The following PRKCB variants were observed in gnomAD, a reference collection of about 807,000 sequenced individuals.
The protein encoded by PRKCB is protein kinase C beta type.
In PRKCB, 13 loss-of-function variants were observed where a neutral mutation model predicts 81.5. The ratio of observed to expected loss-of-function variants is 0.16; its 90% CI spans 0.10 to 0.25. PRKCB has a LOEUF of 0.25. PRKCB is among the 10% of genes least tolerant of loss of function. The probability of loss-of-function intolerance (pLI) is 1.00; values close to 1 mark genes in which losing one functional copy is unlikely to be tolerated. For synonymous variants in PRKCB, 335 were observed against 321.4 expected, an observed-to-expected ratio of 1.04 and a Z score of -0.45; for missense variants, 509 against 875.7, an observed-to-expected ratio of 0.58 and a Z score of 5.29.
intron 5 of PRKCB, among the ~76,000 whole-genome samples, chr16:24,055,032 T>C (rs1034286670): frequency 3.3e-5 from 5 of 152,222 alleles, no homozygotes; most frequent in African/African-American, 1.2e-4. Context: ...CTTTAGCTCA[T>C]GACAATTTCT....
At chr16:24,114,732 G>A (rs966289884) in intron 8 of PRKCB, among the ~76,000 whole-genome samples, 2 of 152,114 alleles carry the variant, frequency 1.3e-5, no homozygotes, top group Admixed American at 6.5e-5. Context: ...TGAGTCTGGT[G>A]GGAGATGATC....
intron 3 of PRKCB, among the ~76,000 whole-genome samples, chr16:24,000,549 A>G (rs1965019125): frequency 6.6e-6 from 1 of 152,224 alleles, no homozygotes; most frequent in Non-Finnish European, 1.5e-5. Flanking sequence ...TACCAACCAC[A>G]TAGGTTTATA....
At chr16:23,934,718 G>T (rs942339126) in intron 2 of PRKCB, among the ~76,000 whole-genome samples, 1 of 152,162 alleles carries the variant, frequency 6.6e-6, no homozygotes, top group Non-Finnish European at 1.5e-5. Flanking sequence ...TACTGGGATG[G>T]TGGTGATGGG....
chr16:23,850,285 A>C (rs1962451038), intron 2 of PRKCB, among the ~76,000 whole-genome samples: 2 of 152,158 alleles, frequency 1.3e-5, no homozygotes, highest in South Asian at 4.1e-4. Context: ...CAAACATGGG[A>C]ATGCACATAT....
chr16:24,128,111 T>C (rs1433584066), intron 9 of PRKCB, among the ~76,000 whole-genome samples: 1 of 142,682 alleles, frequency 7.0e-6, no homozygotes, highest in African/African-American at 2.5e-5. Context: ...GTGCGGTGGT[T>C]TGCGCCTGTA....
At chr16:23,883,253 A>G (rs985074905) in intron 2 of PRKCB, among the ~76,000 whole-genome samples, 3 of 152,236 alleles carry the variant, frequency 2.0e-5, no homozygotes, top group African/African-American at 7.2e-5. Flanking sequence ...ACTTTAGATC[A>G]GAAAGGCCTT....
intron 2 of PRKCB, among the ~76,000 whole-genome samples, chr16:23,984,453 G>A (rs1316449666): frequency 6.6e-6 from 1 of 152,068 alleles, no homozygotes; most frequent in East Asian, 1.9e-4. Flanking sequence ...ACAAATACAA[G>A]TAAGCAATAC....
chr16:24,000,604 A>G (rs771186406), intron 3 of PRKCB, among the ~76,000 whole-genome samples: 2 of 152,256 alleles, frequency 1.3e-5, no homozygotes, highest in Non-Finnish European at 2.9e-5. Context: ...GTTCACAAAC[A>G]AAAGACAAAT....
At chr16:23,848,685 G>A (rs534724446) in intron 2 of PRKCB, among the ~76,000 whole-genome samples, 2 of 152,314 alleles carry the variant, frequency 1.3e-5, no homozygotes, top group East Asian at 3.9e-4. Flanking sequence ...TGGTGTTTTG[G>A]AGAAAGAAAG....
At chr16:23,859,908 A>C (rs899596013) in intron 2 of PRKCB, among the ~76,000 whole-genome samples, 20 of 151,752 alleles carry the variant, frequency 1.3e-4, no homozygotes, top group Admixed American at 2.6e-4. Context: ...AAAGAGAGAG[A>C]GCGAGAGAGT....
intron 2 of PRKCB, among the ~76,000 whole-genome samples, chr16:23,950,366 C>T (rs1041978145): frequency 6.6e-5 from 10 of 152,120 alleles, no homozygotes; most frequent in African/African-American, 2.4e-4. Flanking sequence ...ACATAAATCT[C>T]CTTCTAGTCC....
intron 2 of PRKCB, among the ~76,000 whole-genome samples, chr16:23,849,464 G>A (rs750255882): frequency 6.6e-6 from 1 of 152,174 alleles, no homozygotes; most frequent in Admixed American, 6.5e-5. Context: ...AGTTTAGTGA[G>A]TGCTGCAAAT....
chr16:24,056,783 G>A (rs1387454218), intron 5 of PRKCB, among the ~76,000 whole-genome samples: 2 of 152,160 alleles, frequency 1.3e-5, no homozygotes, highest in Non-Finnish European at 2.9e-5. Flanking sequence ...AGAAGTGGAT[G>A]CCAGCACCAT....
chr16:23,991,427 A>C (rs924500635), intron 3 of PRKCB, among the ~76,000 whole-genome samples: 24 of 151,962 alleles, frequency 1.6e-4, no homozygotes, highest in African/African-American at 5.6e-4. Flanking sequence ...TAGGCAGGGG[A>C]GTTTGGGGAG....
intron 10 of PRKCB, among the ~76,000 whole-genome samples, chr16:24,158,347 A>G (rs755957498): frequency 1.3e-5 from 2 of 152,202 alleles, no homozygotes; most frequent in Non-Finnish European, 2.9e-5. Context: ...GTGAGGCACA[A>G]GGCAAACAAT....
At chr16:24,137,141 G>C (rs555390369) in intron 9 of PRKCB, among the ~76,000 whole-genome samples, 10 of 150,692 alleles carry the variant, frequency 6.6e-5, no homozygotes, top group Non-Finnish European at 1.0e-4. Context: ...CATCTGCCTT[G>C]GCCTCCCAAA....
chr16:24,210,796 G>A (rs1319217444), intron 16 of PRKCB, among the ~76,000 whole-genome samples: 1 of 152,134 alleles, frequency 6.6e-6, no homozygotes, highest in South Asian at 2.1e-4. Flanking sequence ...TACCCTGCCC[G>A]GCCTTGGCTT....
intron 7 of PRKCB, among the ~76,000 whole-genome samples, chr16:24,109,030 G>A (rs1316276251): frequency 1.3e-4 from 20 of 148,420 alleles, no homozygotes; most frequent in African/African-American, 4.7e-4. Flanking sequence ...CGGGCGGGGG[G>A]CTGACCCCCC....
intron 5 of PRKCB, among the ~76,000 whole-genome samples, chr16:24,084,053 T>C (rs34289708): frequency 0.014 from 2,083 of 152,086 alleles, 25 homozygotes; most frequent in African/African-American, 0.035. Flanking sequence ...GTAGAAGCAG[T>C]AGATAGAGGA....
Sources: gnomAD v4.1 joint callset for allele counts (sites outside exome capture counted in the v4.1 genomes callset) on GRCh38, gnomAD v4.1.1 for gene constraint, MANE v1.5 for transcripts, NCBI Gene and HGNC (gene_info 2026-07-23, HGNC 2026-07-21) for gene names.